The following SERPINB13 variants were observed in gnomAD, a reference collection of about 807,000 sequenced individuals.
The protein encoded by SERPINB13 is serpin family B member 13.
SERPINB13 carries 26 observed loss-of-function variants against 31.2 expected under a neutral mutation model. The ratio of observed to expected loss-of-function variants is 0.83; its 90% CI spans 0.61 to 1.15. SERPINB13 has a LOEUF of 1.15. SERPINB13 is among the 50% of genes most tolerant of loss of function. The pLI, the probability that SERPINB13 is intolerant of heterozygous loss-of-function variation, is 0.00. For missense variants in SERPINB13, 510 were observed against 469.4 expected (o/e 1.09, Z -0.80); for synonymous variants, 191 against 172.4 (o/e 1.11, Z -0.85).
rs1599455852 is a variant in SERPINB13 at position 63,597,380 on chromosome 18, G to A, written c.*17G>A. 1 of 1,588,492 alleles carries A rather than the reference G, an allele frequency of 6.3e-7. No homozygotes were observed. Among genetic ancestry groups the A allele is most frequent in the Non-Finnish European group, 8.6e-7 (1 of 1,164,786 alleles). Reference sequence around the variant, plus strand: ...TCTCCTTAAGATGATCGTTGCCATGGCATTGCTGCTTTTAGCAAAAAACAA... The same window carrying A: ...TCTCCTTAAGATGATCGTTGCCATGACATTGCTGCTTTTAGCAAAAAACAA... On this transcript the variant is annotated 3_prime_UTR_variant, in exon 8 of 8. Coordinates refer to ENST00000344731, the MANE Select transcript of SERPINB13 (RefSeq NM_012397.4).
chr18:63,597,272 A>G lies in SERPINB13; in HGVS notation c.1085A>G (p.Glu362Gly), dbSNP rs762205143. The change falls in exon 8 of 8, where the codon GAA becomes GGA. Residue 362 changes from glutamate (E) to glycine (G), a missense_variant. Glu to Gly is a moderately conservative substitution (Grantham distance 98). Coordinates refer to ENST00000344731, the MANE Select transcript of SERPINB13 (RefSeq NM_012397.4). Reference protein sequence around the residue: ...GFTVTSAPGHENVHCNHPFLF... With the variant: ...GFTVTSAPGHGNVHCNHPFLF... ...ACTGTCACATCCGCCCCAGGTCATG[A>G]AAATGTTCACTGCAATCATCCCTTC... is the stretch of plus-strand genomic sequence containing the variant. 6.2e-6 allele frequency: 10 copies of G among 1,614,242 alleles called. No individual in the cohort carries two copies. In the South Asian group the frequency reaches 1.1e-4, roughly 18 times the overall value.
At chr18:63,589,451 T>TCACACACACACACACACACA (rs112829867) in intron 2 of SERPINB13, among the ~76,000 whole-genome samples, 1 of 111,890 alleles carries the variant, frequency 8.9e-6, no homozygotes, top group African/African-American at 2.8e-5. Flanking sequence ...CAAAACTCCA[T>TCACACACACACACACACACA]CACACACACA....
chr18:63,588,537 G>C, intron 1 of SERPINB13, 114 bp from the exon 2 acceptor site: 1 of 1,093,772 alleles, frequency 9.1e-7, no homozygotes, highest in Non-Finnish European at 1.3e-6. Context: ...CACCAAAAGG[G>C]TGGAAATCCC....
chr18:63,593,687 G>T (rs1332083455), intron 5 of SERPINB13, among the ~76,000 whole-genome samples: 2 of 138,498 alleles, frequency 1.4e-5, no homozygotes, highest in Admixed American at 7.4e-5. Flanking sequence ...TTATCAGAGA[G>T]AACTTTGTTA....
At chr18:63,590,406 T>C (rs542487409) in intron 3 of SERPINB13, among the ~76,000 whole-genome samples, 1 of 152,270 alleles carries the variant, frequency 6.6e-6, no homozygotes, top group East Asian at 1.9e-4. Context: ...CATAGTGCAA[T>C]TCCAGACCCT....
chr18:63,589,785 A>T (rs773771530), intron 3 of SERPINB13, 70 bp downstream of exon 3: 4 of 1,610,344 alleles, frequency 2.5e-6, no homozygotes, highest in Non-Finnish European at 1.7e-6. Context: ...GTTGCATTTT[A>T]GGTGTGGGGT....
At chr18:63,592,583 C>A in intron 4 of SERPINB13, 107 bp downstream of exon 4, 2 of 1,129,690 alleles carry the variant, frequency 1.8e-6, no homozygotes, top group Middle Eastern at 2.8e-4. Flanking sequence ...CTGGCCACAT[C>A]CCTGTGGTGC....
rs1198910316 is a variant in SERPINB13 at position 63,597,047 on chromosome 18, G to T, written c.860G>T (p.Arg287Leu). The change falls in exon 8 of 8, where the codon CGG (arginine) becomes CTG (leucine). Residue 287 changes from arginine (R) to leucine (L), a missense_variant. Physicochemically the swap from Arg to Leu is moderately radical, Grantham distance 102. Coordinates refer to ENST00000344731, the MANE Select transcript of SERPINB13 (RefSeq NM_012397.4). The part of the protein sequence containing the change: ...EERKVNLHLP[R>L]FEVEDGYDLE... ...AGAAAGGTGAATCTGCACTTGCCCC[G>T]GTTTGAGGTGGAGGACGGTTACGAT... 10 of 1,614,060 alleles carry T rather than the reference G, an allele frequency of 6.2e-6. No homozygotes were observed. Among genetic ancestry groups the T allele is most frequent in the Non-Finnish European group, 7.6e-6 (9 of 1,180,022 alleles).
chr18:63,592,305 T>G (rs766498965), intron 3 of SERPINB13, 43 bp from the exon 4 acceptor site: 2 of 1,587,666 alleles, frequency 1.3e-6, no homozygotes, highest in South Asian at 2.3e-5. Flanking sequence ...CTGGGCTTGC[T>G]TTTGCCAAGA....
At position 63,598,294 on chromosome 18, in the gene SERPINB13, A is replaced by G. The variant is rs1233782933; in HGVS notation, c.*931A>G. 1.3e-5 allele frequency: 2 copies of G among 152,052 alleles called. No individual in the cohort carries two copies. The highest frequency in any genetic ancestry group is 2.9e-5 in the Non-Finnish European group (2 of 67,972). 9.4% of individuals were successfully genotyped at this position (152,052 alleles called of 1,614,324 possible). On this transcript the variant is annotated 3_prime_UTR_variant, in exon 8 of 8. Transcript: ENST00000344731. Reference sequence around the variant, plus strand: ...TTTTTAACAGCTTTGTCAAACTACAATTTACATGCCGTAAAATGTACACAC... The same window carrying G: ...TTTTTAACAGCTTTGTCAAACTACAGTTTACATGCCGTAAAATGTACACAC...
chr18:63,592,221 C>A (rs1911893804), intron 3 of SERPINB13, 127 bp from the exon 4 acceptor site: 2 of 1,030,604 alleles, frequency 1.9e-6, no homozygotes, highest in Non-Finnish European at 2.7e-6. Flanking sequence ...GGGGCCACAT[C>A]AAACACAGGG....
At chr18:63,594,973 T>C in intron 6 of SERPINB13, 56 bp from the exon 7 acceptor site, 1 of 1,521,482 alleles carries the variant, frequency 6.6e-7, no homozygotes, top group Non-Finnish European at 8.8e-7. Flanking sequence ...CTTGGTTGCC[T>C]TAATGCCTTT....
intron 5 of SERPINB13, 57 bp downstream of exon 5, chr18:63,593,028 CA>C: frequency 1.8e-6 from 2 of 1,138,702 alleles, no homozygotes; most frequent in Non-Finnish European, 1.3e-6. Context: ...AACAAACAAA[CA>C]AAAAACACTT....
rs762818259 is a variant in SERPINB13, at chr18:63,597,095, T to C, written c.908T>C (p.Met303Thr). The part of the protein sequence containing the change: ...GYDLEAVLAA[M>T]GMGDAFSEHK... ...GATCTAGAGGCGGTCCTGGCTGCCA[T>C]GGGGATGGGCGATGCCTTCAGTGAG... The change falls in exon 8 of 8, where the codon ATG becomes ACG. Residue 303 changes from methionine (M) to threonine (T), a missense_variant. Transcript: ENST00000344731. The C allele has an allele frequency of 1.9e-6, 3 of 1,614,056 alleles. No homozygotes were observed. Among genetic ancestry groups the C allele is most frequent in the African/African-American group, 2.7e-5 (2 of 74,918 alleles).
chr18:63,596,609 A>G (rs1912182226), intron 7 of SERPINB13, among the ~76,000 whole-genome samples: 2 of 152,258 alleles, frequency 1.3e-5, no homozygotes, highest in Non-Finnish European at 2.9e-5. Flanking sequence ...CTTTTTATCA[A>G]ATAAAATGGA....
rs1911936024 is a variant in SERPINB13 at position 63,592,867 on chromosome 18, A to T, written c.368A>T (p.Tyr123Phe). ...TYLFLQKYLD[Y>F]VEKYYHASLE... is the part of the protein sequence containing the mutation. ...TTTCTCCTAAAGAAATACTTAGATT[A>T]TGTTGAAAAATATTATCATGCATCT... The change falls in exon 5 of 8, where the codon TAT (tyrosine) becomes TTT (phenylalanine). Residue 123 changes from tyrosine (Y) to phenylalanine (F), a missense_variant. Transcript: ENST00000344731. 6.3e-7 allele frequency: 1 copy of T among 1,591,792 alleles called. No individual in the cohort carries two copies. The highest frequency in any genetic ancestry group is 8.6e-7 in the Non-Finnish European group (1 of 1,166,304).
rs756258090 is a variant in SERPINB13, at chr18:63,589,684, G to A, written c.194G>A (p.Ser65Asn). The A allele has an allele frequency of 1.9e-6, 3 of 1,613,590 alleles. No homozygotes were observed. In the East Asian group the frequency reaches 6.7e-5, roughly 36 times the overall value. Residue 65 changes from serine (S) to asparagine (N), a missense_variant, in exon 3 of 8, where the codon AGC becomes AAC. Physicochemically the swap from Ser to Asn is conservative, Grantham distance 46. Coordinates refer to ENST00000344731, the MANE Select transcript of SERPINB13 (RefSeq NM_012397.4). Reference sequence around the variant, plus strand: ...TTTCACTCTGAAAAAGAGACGAAGAGCTCAAGAATAAAGGCTGAAGAAAAA... The same window carrying A: ...TTTCACTCTGAAAAAGAGACGAAGAACTCAAGAATAAAGGCTGAAGAAAAA... The part of the protein sequence containing the change: ...EVFHSEKETK[S>N]SRIKAEEKEV...
chr18:63,594,603 G>A (rs1176785935), intron 6 of SERPINB13, 106 bp downstream of exon 6: 4 of 1,203,366 alleles, frequency 3.3e-6, no homozygotes, highest in Non-Finnish European at 2.3e-6. Flanking sequence ...CACTTTGGGA[G>A]GCCAAGGTGG....
intron 1 of SERPINB13, 50 bp from the exon 2 acceptor site, chr18:63,588,601 C>CACAG (rs778345807): frequency 8.6e-5 from 134 of 1,551,032 alleles, no homozygotes; most frequent in Non-Finnish European, 2.0e-5. Flanking sequence ...ATTCCCCTGA[C>CACAG]ACAGAGTAAT....
Sources: gnomAD v4.1 joint callset for allele counts (sites outside exome capture counted in the v4.1 genomes callset) on GRCh38, gnomAD v4.1.1 for gene constraint, MANE v1.5 for transcripts, NCBI Gene and HGNC (gene_info 2026-07-23, HGNC 2026-07-21) for gene names.